RAB40C: variants seen among roughly 807,000 people sequenced by gnomAD.
The protein encoded by RAB40C is RAB40C, member RAS oncogene family.
In RAB40C, 8 loss-of-function variants were observed where a neutral mutation model predicts 28.1. The ratio of observed to expected loss-of-function variants is 0.28; its 90% CI spans 0.17 to 0.51. RAB40C has a LOEUF of 0.51. Ranked by LOEUF, RAB40C falls within the 20% of genes least tolerant of loss-of-function variation. The probability of loss-of-function intolerance (pLI) is 0.97; values close to 1 mark genes in which losing one functional copy is unlikely to be tolerated. For missense variants in RAB40C, 288 were observed against 405.9 expected (o/e 0.71, Z 2.50); for synonymous variants, 201 against 171.7 (o/e 1.17, Z -1.34).
At chr16:595,358 G>A (rs1468828471) in intron 1 of RAB40C, among the ~76,000 whole-genome samples, 1 of 152,192 alleles carries the variant, frequency 6.6e-6, no homozygotes, top group African/African-American at 2.4e-5. Flanking sequence ...TGGGGTCCGG[G>A]AGGAGCCGCC....
Position 627,724 on chromosome 16 carries a change from C to T in RAB40C, c.*102C>T, listed in dbSNP as rs1490816994. Reference sequence around the variant, plus strand: ...GCCGCCTACGTGGAGACTGTCCACACAGCTGCCTCAGAAGCGCCGGGCTTT... The same window carrying T: ...GCCGCCTACGTGGAGACTGTCCACATAGCTGCCTCAGAAGCGCCGGGCTTT... On this transcript the variant is annotated 3_prime_UTR_variant, in exon 6 of 6. Coordinates refer to ENST00000248139, the MANE Select transcript of RAB40C (RefSeq NM_021168.5). 6.6e-6 allele frequency: 9 copies of T among 1,356,674 alleles called. No individual in the cohort carries two copies. The South Asian group carries it at 7.4e-5, about 11-fold the overall frequency. The allele number at this position is 1,356,674 out of a possible 1,614,324, so 84.0% of individuals were successfully genotyped here.
chr16:626,166 G>A (rs369599088), intron 5 of RAB40C, 45 bp downstream of exon 5: 2 of 1,558,528 alleles, frequency 1.3e-6, no homozygotes, highest in Non-Finnish European at 8.8e-7. Flanking sequence ...CCGAACCTGG[G>A]CTGCCCTGAT....
chr16:621,699 G>A (rs1164024723), intron 3 of RAB40C, among the ~76,000 whole-genome samples: 1 of 152,256 alleles, frequency 6.6e-6, no homozygotes, highest in African/African-American at 2.4e-5. Flanking sequence ...TTGGTGTGTG[G>A]AGGGTGGGGT....
At position 628,647 on chromosome 16, in the gene RAB40C, C is replaced by CG. The variant is rs2036893809; in HGVS notation, c.*1026dup. On this transcript the variant is annotated 3_prime_UTR_variant, in exon 6 of 6. Transcript: ENST00000248139. ...CCTCCTCAAAGGCCCACCAGCCCGG[C>CG]GCTCATGCTGAGCCCCAGGCACGCA... The CG allele has an allele frequency of 6.6e-6, 1 of 152,554 alleles. No individual in the cohort carries two copies. Among genetic ancestry groups the CG allele is most frequent in the Admixed American group, 6.5e-5 (1 of 15,288 alleles). The allele number at this position is 152,554 out of a possible 1,614,324, so 9.5% of individuals were successfully genotyped here.
rs564809215 is a variant in RAB40C, at chr16:615,266, A to G, written c.143-1942A>G. On this transcript the variant is annotated intron_variant, in intron 1 of 5. Coordinates refer to ENST00000248139, the MANE Select transcript of RAB40C (RefSeq NM_021168.5). ...ATGTAGGGGTTGGTCAGGCAGAAGG[A>G]CGGTGTGGGTGGAAGCGCTGATGCC... 6.4e-4 allele frequency among the ~76,000 whole-genome samples: 98 copies of G among 152,224 alleles called. 6 individuals are homozygous for G. The South Asian group carries it at 0.012, about 18-fold the overall frequency.
At position 613,762 on chromosome 16, in the gene RAB40C, C is replaced by T. The variant is rs534313199; in HGVS notation, c.143-3446C>T. Among the ~76,000 whole-genome samples, 5 of 151,990 alleles carry T rather than the reference C, an allele frequency of 3.3e-5. No individual in the cohort carries two copies. In the South Asian group the frequency reaches 6.2e-4, roughly 19 times the overall value. ...TCCTTATGTGGGTCTTAGTGGGAGT[C>T]GTGGGCAACACCCAGGTCTAGACCC... On this transcript the variant is annotated intron_variant, in intron 1 of 5. Transcript: ENST00000248139.
At chr16:621,526 G>T (rs2036716458) in intron 3 of RAB40C, among the ~76,000 whole-genome samples, 1 of 152,252 alleles carries the variant, frequency 6.6e-6, no homozygotes, top group Non-Finnish European at 1.5e-5. Context: ...CAGCAGTCCC[G>T]CGGCTCTTCC....
At chr16:601,276 T>C (rs1205602295) in intron 1 of RAB40C, among the ~76,000 whole-genome samples, 2 of 152,188 alleles carry the variant, frequency 1.3e-5, no homozygotes, top group South Asian at 2.1e-4. Flanking sequence ...ATTCTGAAAG[T>C]GTGCATCCTT....
intron 1 of RAB40C, among the ~76,000 whole-genome samples, chr16:605,262 T>G (rs4984902): frequency 0.22 from 33,984 of 152,146 alleles, 4,671 homozygotes; most frequent in East Asian, 0.6. Flanking sequence ...CCCCATTGTT[T>G]CATAGTCCCA....
chr16:605,315 A>G (rs2036336428), intron 1 of RAB40C, among the ~76,000 whole-genome samples: 2 of 152,218 alleles, frequency 1.3e-5, no homozygotes, highest in African/African-American at 2.4e-5. Context: ...ATCTTTGCCA[A>G]CATTTGATGT....
At chr16:604,888 T>A (rs970070212) in intron 1 of RAB40C, among the ~76,000 whole-genome samples, 29 of 152,208 alleles carry the variant, frequency 1.9e-4, no homozygotes, top group African/African-American at 7.0e-4. Flanking sequence ...GGTGAAACCG[T>A]ATCTCTACTA....
At chr16:598,493 G>A (rs188992840) in intron 1 of RAB40C, among the ~76,000 whole-genome samples, 1 of 151,442 alleles carries the variant, frequency 6.6e-6, no homozygotes, top group East Asian at 1.9e-4. Context: ...CCTGGGTGGC[G>A]GAGGTTGCAG....
chr16:618,458 C>T (rs1372523450), intron 3 of RAB40C, among the ~76,000 whole-genome samples, 198 bp downstream of exon 3: 3 of 152,250 alleles, frequency 2.0e-5, no homozygotes, highest in East Asian at 1.9e-4. Flanking sequence ...GGCACAGTCT[C>T]GGCTCACTGC....
intron 1 of RAB40C, among the ~76,000 whole-genome samples, chr16:616,147 T>C (rs1383415706): frequency 1.3e-5 from 2 of 151,520 alleles, no homozygotes; most frequent in East Asian, 3.9e-4. Flanking sequence ...GTTCAGCTAC[T>C]CAGCAGGCTG....
chr16:618,731 C>T (rs1459573724), intron 3 of RAB40C, among the ~76,000 whole-genome samples: 1 of 144,628 alleles, frequency 6.9e-6, no homozygotes, highest in Non-Finnish European at 1.5e-5. Context: ...TGTGTGCAGG[C>T]ATGTGCACAG....
At chr16:590,726 A>G (rs1346361725) in intron 1 of RAB40C, among the ~76,000 whole-genome samples, 1 of 151,970 alleles carries the variant, frequency 6.6e-6, no homozygotes, top group African/African-American at 2.4e-5. Flanking sequence ...GGAAGGTGTC[A>G]TGGGTCCGGG....
At chr16:615,790 C>T (rs1317719055) in intron 1 of RAB40C, among the ~76,000 whole-genome samples, 3 of 152,042 alleles carry the variant, frequency 2.0e-5, no homozygotes, top group Admixed American at 1.3e-4. Flanking sequence ...GGCAAAACCC[C>T]GTCTCTACTA....
chr16:605,974 A>G (rs1450735625), intron 1 of RAB40C, among the ~76,000 whole-genome samples: 1 of 152,274 alleles, frequency 6.6e-6, no homozygotes, highest in Non-Finnish European at 1.5e-5. Flanking sequence ...TGTAATAGCC[A>G]TAGAACATTT....
chr16:590,182 C>T lies in RAB40C; in HGVS notation c.-110C>T, dbSNP rs1222743017. On this transcript the variant is annotated 5_prime_UTR_variant, in exon 1 of 6. Coordinates refer to ENST00000248139, the MANE Select transcript of RAB40C (RefSeq NM_021168.5). ...GCTTCGGGCGCGCCCACTCGGCCGC[C>T]GTGGGGCGGACGCAACGGGCGCAGG... is the stretch of plus-strand genomic sequence containing the variant. The T allele has an allele frequency of 4.9e-6, 4 of 817,300 alleles. No homozygotes were observed. Among genetic ancestry groups the T allele is most frequent in the South Asian group, 1.1e-4 (2 of 18,566 alleles). The allele number at this position is 817,300 out of a possible 1,614,324, so 50.6% of individuals were successfully genotyped here.
Sources: allele counts gnomAD v4.1 joint callset (sites outside exome capture counted in the v4.1 genomes callset), GRCh38; gene constraint gnomAD v4.1.1; transcripts MANE v1.5; gene names NCBI Gene and HGNC (gene_info 2026-07-23, HGNC 2026-07-21).